TLL1: variants seen among roughly 807,000 people sequenced by gnomAD.
The protein encoded by TLL1 is tolloid-like protein 1.
TLL1 carries 49 observed loss-of-function variants against 128.2 expected under a neutral mutation model. That is an observed-to-expected ratio of 0.38 (90% CI 0.30 to 0.48). The LOEUF (loss-of-function observed/expected upper bound fraction) is 0.48. Among genes scored for constraint, TLL1 ranks in the 20% least tolerant of loss-of-function variants. The pLI is 0.96. For synonymous variants in TLL1, 454 were observed against 418.8 expected (o/e 1.08, Z -1.03); for missense variants, 1,123 against 1,242.0 (o/e 0.90, Z 1.44).
At chr4:165,896,102 G>T (rs1031811928) in intron 1 of TLL1, among the ~76,000 whole-genome samples, 1 of 151,916 alleles carries the variant, frequency 6.6e-6, no homozygotes. Context: ...CCCCCAAGAG[G>T]CCCCGGTGTG....
At chr4:165,925,904 G>A (rs892595981) in intron 1 of TLL1, among the ~76,000 whole-genome samples, 6 of 152,194 alleles carry the variant, frequency 3.9e-5, no homozygotes, top group African/African-American at 7.2e-5. Context: ...AGGCTCAAAT[G>A]ACTGTTAGCC....
chr4:165,959,257 C>T lies in TLL1; in HGVS notation c.170-30124C>T, dbSNP rs375538918. 5.4e-3 allele frequency among the ~76,000 whole-genome samples: 822 copies of T among 151,886 alleles called. 13 individuals are homozygous for T. Among genetic ancestry groups the T allele is most frequent in the East Asian group, 0.05 (253 of 5,070 alleles). ...TTTCCAATTCTGTGAAGAAAGTCAT[C>T]GGTAGCTTGATGGGGATGGCATTGA... is the stretch of plus-strand genomic sequence containing the variant. On this transcript the variant is annotated intron_variant, in intron 1 of 20. Transcript: ENST00000061240.
chr4:166,044,414 T>C lies in TLL1; in HGVS notation c.1524+995T>C, dbSNP rs367650700. ...ATTGCCAGTAAAGCCAGAGAATCTC[T>C]CATCCTCATCTGGAAGCCTGTAAAT... On this transcript the variant is annotated intron_variant, in intron 12 of 20. Coordinates refer to ENST00000061240, the MANE Select transcript of TLL1 (RefSeq NM_012464.5). 16 of 1,535,432 alleles carry C rather than the reference T, an allele frequency of 1.0e-5. No individual in the cohort carries two copies. In the African/African-American group the frequency reaches 1.8e-4, roughly 17 times the overall value.
At chr4:165,997,359 G>A (rs759846031) in intron 5 of TLL1, among the ~76,000 whole-genome samples, 2 of 152,086 alleles carry the variant, frequency 1.3e-5, no homozygotes, top group Non-Finnish European at 2.9e-5. Flanking sequence ...TAAATGTGTA[G>A]CATTTAACAA....
chr4:166,036,602 T>C (rs1464355433), intron 9 of TLL1, among the ~76,000 whole-genome samples: 1 of 152,176 alleles, frequency 6.6e-6, no homozygotes, highest in African/African-American at 2.4e-5. Context: ...CAGAATTTTA[T>C]GTCTATAATC....
chr4:165,963,498 C>G (rs1158061263), intron 1 of TLL1, among the ~76,000 whole-genome samples: 1 of 151,952 alleles, frequency 6.6e-6, no homozygotes, highest in African/African-American at 2.4e-5. Flanking sequence ...CTCTCTTTAT[C>G]AGGTAAGTGG....
At chr4:166,050,198 C>T (rs1364182412) in intron 12 of TLL1, among the ~76,000 whole-genome samples, 2 of 152,162 alleles carry the variant, frequency 1.3e-5, no homozygotes, top group Admixed American at 6.5e-5. Context: ...CAAAAACACC[C>T]TATTTTTTTC....
intron 1 of TLL1, among the ~76,000 whole-genome samples, chr4:165,889,762 A>T (rs778646682): frequency 2.6e-5 from 4 of 152,196 alleles, no homozygotes; most frequent in Non-Finnish European, 4.4e-5. Flanking sequence ...GCTCACCATC[A>T]TCAGTCATTT....
chr4:165,944,092 C>T (rs1277768898), intron 1 of TLL1, among the ~76,000 whole-genome samples: 1 of 152,094 alleles, frequency 6.6e-6, no homozygotes, highest in African/African-American at 2.4e-5. Flanking sequence ...ATTATTGGTA[C>T]TTCCAACAGC....
At chr4:165,948,948 A>G (rs1290113155) in intron 1 of TLL1, among the ~76,000 whole-genome samples, 1 of 152,146 alleles carries the variant, frequency 6.6e-6, no homozygotes. Flanking sequence ...TGGTTATTCA[A>G]TCAAGTGATG....
chr4:166,058,916 C>T (rs1209746554), intron 14 of TLL1, among the ~76,000 whole-genome samples: 1 of 152,080 alleles, frequency 6.6e-6, no homozygotes, highest in African/African-American at 2.4e-5. Context: ...ATCAGAGACT[C>T]CCTGTTTCTT....
chr4:165,990,218 G>A (rs1330360131), intron 2 of TLL1, among the ~76,000 whole-genome samples: 1 of 151,658 alleles, frequency 6.6e-6, no homozygotes, highest in Non-Finnish European at 1.5e-5. Flanking sequence ...TTTTATCTGT[G>A]TATTATTCTG....
At chr4:166,056,781 G>T (rs1486448357) in intron 13 of TLL1, among the ~76,000 whole-genome samples, 1 of 152,058 alleles carries the variant, frequency 6.6e-6, no homozygotes, top group African/African-American at 2.4e-5. Flanking sequence ...ATCTTCAGTT[G>T]GCCCAGCAAT....
At chr4:165,947,990 C>A (rs1182868353) in intron 1 of TLL1, among the ~76,000 whole-genome samples, 1 of 152,172 alleles carries the variant, frequency 6.6e-6, no homozygotes, top group Admixed American at 6.5e-5. Flanking sequence ...TAGCTGCCAA[C>A]ACGTGCTACC....
intron 1 of TLL1, among the ~76,000 whole-genome samples, chr4:165,902,218 T>C (rs1732028317): frequency 6.6e-6 from 1 of 151,874 alleles, no homozygotes; most frequent in Non-Finnish European, 1.5e-5. Flanking sequence ...ACCACTTGGG[T>C]CCCTGGCTTC....
chr4:166,073,942 G>A lies in TLL1; in HGVS notation c.2189-936G>A, dbSNP rs1020591045. ...TCCTTTTCATTCTCTATGTGTGGGAGTGATGAAAGTCTGAGTGACGTGCCA... is the reference window on the plus strand; with the variant it reads ...TCCTTTTCATTCTCTATGTGTGGGAATGATGAAAGTCTGAGTGACGTGCCA... On this transcript the variant is annotated intron_variant, in intron 16 of 20. Coordinates refer to ENST00000061240, the MANE Select transcript of TLL1 (RefSeq NM_012464.5). Among the ~76,000 whole-genome samples the A allele has an allele frequency of 4.6e-5, 7 of 152,108 alleles. No homozygotes were observed. In the East Asian group the frequency reaches 1.2e-3, roughly 25 times the overall value.
chr4:165,916,974 T>C (rs1319873356), intron 1 of TLL1, among the ~76,000 whole-genome samples: 1 of 152,174 alleles, frequency 6.6e-6, no homozygotes, highest in African/African-American at 2.4e-5. Context: ...TTAATTTTTA[T>C]TCTGGTAACA....
intron 1 of TLL1, among the ~76,000 whole-genome samples, chr4:165,960,318 CA>C (rs776000671): frequency 6.6e-6 from 1 of 151,736 alleles, no homozygotes; most frequent in African/African-American, 2.4e-5. Flanking sequence ...GAATCAATAG[CA>C]AAAAAACTGT....
Position 165,916,631 on chromosome 4 carries a change from C to T in TLL1, c.169+42558C>T, listed in dbSNP as rs139050925. On this transcript the variant is annotated intron_variant, in intron 1 of 20. Coordinates refer to ENST00000061240, the MANE Select transcript of TLL1 (RefSeq NM_012464.5). ...TTGTATGATTCTTTCAACTTTGCTGCATGATTGAAAACTTTCTTAAAATAT... is the reference window on the plus strand; with the variant it reads ...TTGTATGATTCTTTCAACTTTGCTGTATGATTGAAAACTTTCTTAAAATAT... Among the ~76,000 whole-genome samples, 464 of 152,214 alleles carry T rather than the reference C, an allele frequency of 3.0e-3. 4 individuals carry two copies. The highest frequency in any genetic ancestry group is 8.4e-3 in the African/African-American group (349 of 41,534).
Sources: gnomAD v4.1 joint callset for allele counts (sites outside exome capture counted in the v4.1 genomes callset) on GRCh38, gnomAD v4.1.1 for gene constraint, MANE v1.5 for transcripts, NCBI Gene and HGNC (gene_info 2026-07-23, HGNC 2026-07-21) for gene names.